Variants in PDZRN4 observed in about 807,000 individuals in gnomAD.
PDZRN4 encodes the protein PDZ domain-containing RING finger protein 4.
PDZRN4 carries 70 observed loss-of-function variants against 99.0 expected under a neutral mutation model. That is an observed-to-expected ratio of 0.71 (90% CI 0.58 to 0.86). PDZRN4 has a LOEUF of 0.86. Among genes scored for constraint, PDZRN4 ranks in the 40% least tolerant of loss-of-function variants. PDZRN4 has a pLI of 0.00. For missense variants in PDZRN4, 1,474 were observed against 1,331.2 expected (o/e 1.11, Z -1.67); for synonymous variants, 551 against 501.6 (o/e 1.10, Z -1.32).
intron 3 of PDZRN4, among the ~76,000 whole-genome samples, chr12:41,360,629 C>CA (rs1223146778): frequency 6.6e-6 from 1 of 151,746 alleles, no homozygotes; most frequent in East Asian, 1.9e-4. Context: ...TTATTTGGTG[C>CA]AAAAAAATTA....
At chr12:41,293,383 C>G (rs1409947007) in intron 3 of PDZRN4, among the ~76,000 whole-genome samples, 1 of 151,492 alleles carries the variant, frequency 6.6e-6, no homozygotes, top group African/African-American at 2.4e-5. Flanking sequence ...AGTGACTGAG[C>G]TAGCTCCTTC....
chr12:41,428,390 G>A (rs1952556082), intron 3 of PDZRN4, among the ~76,000 whole-genome samples: 1 of 152,110 alleles, frequency 6.6e-6, no homozygotes, highest in South Asian at 2.1e-4. Flanking sequence ...TTTGCTCCAT[G>A]AGATCTGGGA....
intron 3 of PDZRN4, among the ~76,000 whole-genome samples, chr12:41,361,973 G>A (rs1951966408): frequency 6.6e-6 from 1 of 151,958 alleles, no homozygotes; most frequent in Admixed American, 6.6e-5. Context: ...CCATTTGTTG[G>A]CATTATCAGA....
At chr12:41,455,763 G>A (rs2733299) in intron 3 of PDZRN4, among the ~76,000 whole-genome samples, 78,620 of 151,894 alleles carry the variant, frequency 0.52, 20,887 homozygotes, top group African/African-American at 0.65. Context: ...AATATTCAGT[G>A]CTGACCATAA....
intron 3 of PDZRN4, among the ~76,000 whole-genome samples, chr12:41,445,683 G>GA (rs11376000): frequency 0.53 from 79,888 of 151,618 alleles, 21,765 homozygotes; most frequent in African/African-American, 0.68. Context: ...AATTCATGGG[G>GA]AAAAGTGAGC....
At chr12:41,291,686 TCTC>T (rs1259436357) in intron 3 of PDZRN4, among the ~76,000 whole-genome samples, 1 of 152,126 alleles carries the variant, frequency 6.6e-6, no homozygotes, top group Non-Finnish European at 1.5e-5. Flanking sequence ...CTTGGTTTGT[TCTC>T]CTCATATGCT....
intron 3 of PDZRN4, among the ~76,000 whole-genome samples, chr12:41,351,180 T>C (rs1025497777): frequency 1.3e-5 from 2 of 152,100 alleles, no homozygotes; most frequent in Admixed American, 1.3e-4. Context: ...CATTACCTTC[T>C]AGGTGATAAT....
At chr12:41,300,502 T>A (rs181666391) in intron 3 of PDZRN4, among the ~76,000 whole-genome samples, 281 of 152,120 alleles carry the variant, frequency 1.8e-3, no homozygotes, top group African/African-American at 6.4e-3. Flanking sequence ...CACCCAGAAA[T>A]GTGCCCAATT....
chr12:41,189,669 A>C (rs986384835), intron 1 of PDZRN4, among the ~76,000 whole-genome samples: 3 of 152,172 alleles, frequency 2.0e-5, no homozygotes, highest in African/African-American at 7.2e-5. Flanking sequence ...TGGGGCCAGG[A>C]CAGCCTCAGG....
At chr12:41,279,158 G>A (rs1276182781) in intron 3 of PDZRN4, among the ~76,000 whole-genome samples, 1 of 152,210 alleles carries the variant, frequency 6.6e-6, no homozygotes, top group East Asian at 1.9e-4. Flanking sequence ...GGTAACATTT[G>A]AGAATCAATG....
At chr12:41,397,252 CT>C (rs1328953429) in intron 3 of PDZRN4, among the ~76,000 whole-genome samples, 1 of 152,150 alleles carries the variant, frequency 6.6e-6, no homozygotes, top group East Asian at 1.9e-4. Flanking sequence ...TCATTGACCT[CT>C]CTCTCCCTTC....
chr12:41,265,441 A>G (rs535618910), intron 3 of PDZRN4, among the ~76,000 whole-genome samples: 2 of 152,244 alleles, frequency 1.3e-5, no homozygotes, highest in Non-Finnish European at 2.9e-5. Flanking sequence ...TTTTACCTTA[A>G]GAAACCATTC....
chr12:41,222,985 A>G (rs545632463), intron 3 of PDZRN4, among the ~76,000 whole-genome samples: 84 of 152,328 alleles, frequency 5.5e-4, no homozygotes, highest in African/African-American at 1.8e-3. Context: ...TAACCAAATT[A>G]CAGATTTAAG....
At chr12:41,446,212 T>G (rs775787906) in intron 3 of PDZRN4, among the ~76,000 whole-genome samples, 4 of 149,844 alleles carry the variant, frequency 2.7e-5, no homozygotes, top group Non-Finnish European at 4.4e-5. Flanking sequence ...CCCTCCCTTC[T>G]GTTTTATGTA....
intron 5 of PDZRN4, among the ~76,000 whole-genome samples, chr12:41,542,806 C>A (rs894237136): frequency 2.0e-5 from 3 of 151,918 alleles, no homozygotes; most frequent in Non-Finnish European, 2.9e-5. Flanking sequence ...GGAAGTAAAT[C>A]ATAATTATGT....
chr12:41,453,756 T>C (rs759507212), intron 3 of PDZRN4, among the ~76,000 whole-genome samples: 3 of 151,988 alleles, frequency 2.0e-5, no homozygotes, highest in Admixed American at 1.3e-4. Context: ...TGCCCTTCGA[T>C]TGATTATTTC....
At chr12:41,323,974 T>A (rs1051020284) in intron 3 of PDZRN4, among the ~76,000 whole-genome samples, 2 of 152,042 alleles carry the variant, frequency 1.3e-5, no homozygotes, top group South Asian at 4.1e-4. Flanking sequence ...TGTTTAGGCT[T>A]ATTTCTTTTG....
intron 3 of PDZRN4, among the ~76,000 whole-genome samples, chr12:41,412,710 A>C (rs894508297): frequency 1.3e-5 from 2 of 152,214 alleles, no homozygotes; most frequent in African/African-American, 4.8e-5. Flanking sequence ...CTAAATATTG[A>C]TTTAAATAAA....
At chr12:41,511,916 G>A (rs1319208181) in intron 5 of PDZRN4, among the ~76,000 whole-genome samples, 1 of 152,106 alleles carries the variant, frequency 6.6e-6, no homozygotes, top group Non-Finnish European at 1.5e-5. Context: ...GACTGATCTG[G>A]TGTTTCTGTG....
Sources: gnomAD v4.1 joint callset for allele counts (sites outside exome capture counted in the v4.1 genomes callset) on GRCh38, gnomAD v4.1.1 for gene constraint, MANE v1.5 for transcripts, NCBI Gene and HGNC (gene_info 2026-07-23, HGNC 2026-07-21) for gene names.